The following SLC13A1 variants were observed in gnomAD, a reference collection of about 807,000 sequenced individuals.
SLC13A1 encodes Na(+)/sulfate cotransporter.
In SLC13A1, 65 loss-of-function variants were observed where a neutral mutation model predicts 70.0. The observed-to-expected ratio is 0.93, with a 90% CI of 0.76 to 1.14. The LOEUF (loss-of-function observed/expected upper bound fraction) is 1.14. Ranked by LOEUF, SLC13A1 falls within the 50% of genes most tolerant of loss-of-function variation. The pLI is 0.00. For missense variants in SLC13A1, 726 were observed against 717.8 expected, an observed-to-expected ratio of 1.01 and a Z score of -0.13; for synonymous variants, 275 against 250.5, an observed-to-expected ratio of 1.10 and a Z score of -0.92.
Position 123,175,610 on chromosome 7 carries a change from C to G in SLC13A1, c.229-3706G>C, listed in dbSNP as rs182168791. Reference sequence around the variant, plus strand: ...AGCAAGATGCCATCTATGGAGCAGACAGCAAGCCCTTACCATACACTCAAT... The same window carrying G: ...AGCAAGATGCCATCTATGGAGCAGAGAGCAAGCCCTTACCATACACTCAAT... On this transcript the variant is annotated intron_variant, in intron 2 of 14. Coordinates refer to ENST00000194130, the MANE Select transcript of SLC13A1 (RefSeq NM_022444.4). Among the ~76,000 whole-genome samples the G allele has an allele frequency of 8.4e-3, 1,280 of 152,222 alleles. 19 individuals carry two copies. Among genetic ancestry groups the G allele is most frequent in the African/African-American group, 0.029 (1,186 of 41,540 alleles).
intron 7 of SLC13A1, among the ~76,000 whole-genome samples, chr7:123,136,989 A>T (rs534345097): frequency 1.3e-5 from 2 of 152,310 alleles, no homozygotes; most frequent in African/African-American, 4.8e-5. Flanking sequence ...AGTGAAGGTG[A>T]GTGTGACATG....
At chr7:123,129,256 T>C in intron 9 of SLC13A1, 127 bp downstream of exon 9, 1 of 811,792 alleles carries the variant, frequency 1.2e-6, no homozygotes, top group Non-Finnish European at 2.0e-6. Flanking sequence ...ATAAATACCT[T>C]GCAAGCAATT....
At chr7:123,199,489 C>T (rs1796284953) in intron 1 of SLC13A1, among the ~76,000 whole-genome samples, 1 of 152,052 alleles carries the variant, frequency 6.6e-6, no homozygotes, top group African/African-American at 2.4e-5. Flanking sequence ...GCTTTGCTGC[C>T]TATTCTCAGG....
In SLC13A1 at chr7:123,167,523, A is replaced by G. The variant is rs532558267; in HGVS notation, c.660+851T>C. ...ATTCCATGGCCAGATGAAGAAATAT[A>G]TGTCCCACTTTCCTATTCCTAATGC... On this transcript the variant is annotated intron_variant, in intron 6 of 14. Coordinates refer to ENST00000194130, the MANE Select transcript of SLC13A1 (RefSeq NM_022444.4). Among the ~76,000 whole-genome samples the G allele has an allele frequency of 4.5e-4, 68 of 152,282 alleles. 1 individual carries two copies. The highest frequency in any genetic ancestry group is 9.2e-4 in the Admixed American group (14 of 15,294).
chr7:123,161,574 G>C (rs1794903428), intron 6 of SLC13A1, among the ~76,000 whole-genome samples: 1 of 152,152 alleles, frequency 6.6e-6, no homozygotes, highest in Non-Finnish European at 1.5e-5. Context: ...ATGGACAGAG[G>C]GAGATGGGGA....
rs73447944 is a variant in SLC13A1 at position 123,157,997 on chromosome 7, T to G, written c.660+10377A>C. 4.9e-3 allele frequency among the ~76,000 whole-genome samples: 752 copies of G among 152,192 alleles called. 7 individuals carry two copies. The highest frequency in any genetic ancestry group is 0.017 in the African/African-American group (690 of 41,554). ...TTTTTTCTTAAAGCACTAATTTATG[T>G]TATGTGTGTGTTAAAGAGAAATAGC... On this transcript the variant is annotated intron_variant, in intron 6 of 14. Coordinates refer to ENST00000194130, the MANE Select transcript of SLC13A1 (RefSeq NM_022444.4).
chr7:123,195,905 A>G (rs1196765128), intron 1 of SLC13A1, among the ~76,000 whole-genome samples: 1 of 152,050 alleles, frequency 6.6e-6, no homozygotes, highest in African/African-American at 2.4e-5. Context: ...GAAGAATTGC[A>G]CTCTACAAAT....
rs1392929890 is a variant in SLC13A1, at chr7:123,129,253, C to G, written c.1031+130G>C. 3.8e-6 allele frequency: 3 copies of G among 791,628 alleles called. No individual in the cohort carries two copies. In the East Asian group the frequency reaches 7.7e-5, roughly 20 times the overall value. 49.0% of individuals were successfully genotyped at this position (791,628 alleles called of 1,614,324 possible). A position where few individuals can be genotyped will look rare whatever the true frequency, so the allele number is the denominator to read the frequency against. On this transcript the variant is annotated intron_variant, in intron 9 of 14. Transcript: ENST00000194130. ...GGGCCCTAATCAAGTGTTATAAATA[C>G]CTTGCAAGCAATTATGTGCTTGTTT...
intron 1 of SLC13A1, among the ~76,000 whole-genome samples, chr7:123,199,101 T>A (rs1383347068): frequency 6.6e-6 from 1 of 152,260 alleles, no homozygotes. Context: ...GTCCTCTTAC[T>A]ACCAAGTGAC....
chr7:123,178,532 G>T (rs189158406), intron 2 of SLC13A1, among the ~76,000 whole-genome samples: 1 of 152,122 alleles, frequency 6.6e-6, no homozygotes, highest in Non-Finnish European at 1.5e-5. Flanking sequence ...ACAATGGGTT[G>T]TGTAGCATTA....
At chr7:123,165,549 G>T (rs567747979) in intron 6 of SLC13A1, among the ~76,000 whole-genome samples, 1 of 152,182 alleles carries the variant, frequency 6.6e-6, no homozygotes, top group African/African-American at 2.4e-5. Flanking sequence ...AAAAAGCTCA[G>T]TTGCTCAGTT....
Position 123,169,301 on chromosome 7 carries a change from A to G in SLC13A1, c.400T>C (p.Leu134=). 1 of 1,613,528 alleles carries G rather than the reference A, an allele frequency of 6.2e-7. No individual in the cohort carries two copies. The highest frequency in any genetic ancestry group is 8.5e-7 in the Non-Finnish European group (1 of 1,179,980). The change falls in exon 4 of 15, where the codon TTG becomes CTG. Residue 134 remains leucine, a synonymous_variant. Coordinates refer to ENST00000194130, the MANE Select transcript of SLC13A1 (RefSeq NM_022444.4). The part of the protein sequence containing the change: ...TLGFMSSTAF[L]SMWLSNTSTA... The stretch of plus-strand genomic sequence containing the variant: ...GAGGTGTTGCTGAGCCACATAGACA[A>G]AAAGGCAGTGCTGCTCATGAACCCC...
At chr7:123,146,943 C>A (rs1288998723) in intron 7 of SLC13A1, among the ~76,000 whole-genome samples, 1 of 152,098 alleles carries the variant, frequency 6.6e-6, no homozygotes, top group Non-Finnish European at 1.5e-5. Flanking sequence ...TCTGAGCTGA[C>A]CTGGGAAATC....
At chr7:123,115,995 AG>A (rs1336009949) in intron 14 of SLC13A1, among the ~76,000 whole-genome samples, 2 of 152,180 alleles carry the variant, frequency 1.3e-5, no homozygotes, top group African/African-American at 4.8e-5. Flanking sequence ...AATATACCTA[AG>A]TAATTCTGAT....
Position 123,171,787 on chromosome 7 carries a change from C to A in SLC13A1, c.346G>T (p.Val116Phe). ...ACTTACCATGCAGGATTTACACCAA[C>A]CATCATCACCATTTTCAGAGCAATT... Reference protein sequence around the residue: ...KRIALKMVMMVGVNPAWLTLG... With the variant: ...KRIALKMVMMFGVNPAWLTLG... Residue 116 changes from valine (V) to phenylalanine (F), a missense_variant, in exon 3 of 15, where the codon GTT (valine) becomes TTT (phenylalanine). By Grantham distance (50) the Val-to-Phe change is conservative. Transcript: ENST00000194130. 1 of 1,613,884 alleles carries A rather than the reference C, an allele frequency of 6.2e-7. No homozygotes were observed.
At chr7:123,175,402 G>T (rs575469029) in intron 2 of SLC13A1, among the ~76,000 whole-genome samples, 3 of 152,166 alleles carry the variant, frequency 2.0e-5, no homozygotes, top group African/African-American at 7.2e-5. Context: ...TTGCAGTTTG[G>T]CTCATGGAAA....
At chr7:123,155,806 G>C (rs563901627) in intron 6 of SLC13A1, among the ~76,000 whole-genome samples, 4 of 151,994 alleles carry the variant, frequency 2.6e-5, no homozygotes, top group Admixed American at 1.3e-4. Flanking sequence ...GCTGACACCC[G>C]AAAGGCATAG....
At chr7:123,129,831 G>A (rs924092952) in intron 8 of SLC13A1, among the ~76,000 whole-genome samples, 6 of 151,918 alleles carry the variant, frequency 3.9e-5, no homozygotes, top group Admixed American at 1.3e-4. Context: ...ATTTTATTAC[G>A]TACTGGATCT....
chr7:123,123,635 T>C (rs1254254295), intron 11 of SLC13A1, among the ~76,000 whole-genome samples: 1 of 152,184 alleles, frequency 6.6e-6, no homozygotes, highest in Non-Finnish European at 1.5e-5. Flanking sequence ...TTGGTTCCAA[T>C]AGCATCTTGT....
Sources: gnomAD v4.1 joint callset for allele counts (sites outside exome capture counted in the v4.1 genomes callset) on GRCh38, gnomAD v4.1.1 for gene constraint, MANE v1.5 for transcripts, NCBI Gene and HGNC (gene_info 2026-07-23, HGNC 2026-07-21) for gene names.